PDE4D: variants seen among roughly 807,000 people sequenced by gnomAD.
The protein encoded by PDE4D is 3',5'-cyclic-AMP phosphodiesterase 4D.
Under a neutral mutation model 87.4 loss-of-function variants are expected in PDE4D, and 24 were observed. The ratio of observed to expected loss-of-function variants is 0.27; its 90% confidence interval spans 0.20 to 0.39. The LOEUF (loss-of-function observed/expected upper bound fraction) is 0.39. PDE4D is among the 10% of genes least tolerant of loss of function. PDE4D has a pLI of 1.00. For missense variants in PDE4D, 714 were observed against 1,041.0 expected (o/e 0.69, Z 4.32); for synonymous variants, 384 against 383.2 (o/e 1.00, Z -0.02).
At chr5:59,092,873 T>C (rs776636601) in intron 5 of PDE4D, among the ~76,000 whole-genome samples, 4 of 152,184 alleles carry the variant, frequency 2.6e-5, no homozygotes, top group Non-Finnish European at 5.9e-5. Flanking sequence ...CCCGTCTTTT[T>C]CTACTCTAAG....
chr5:60,008,036 C>T (rs1479717008), intron 2 of PDE4D, among the ~76,000 whole-genome samples: 3 of 150,360 alleles, frequency 2.0e-5, no homozygotes, highest in Non-Finnish European at 4.4e-5. Flanking sequence ...AATAAAATAG[C>T]CAGTCTCAAG....
chr5:59,661,497 G>A (rs1745251346), intron 1 of PDE4D, among the ~76,000 whole-genome samples: 1 of 152,166 alleles, frequency 6.6e-6, no homozygotes, highest in African/African-American at 2.4e-5. Flanking sequence ...GACTCTAGAT[G>A]TTTGCATAAG....
chr5:59,982,817 T>G (rs930761651), intron 3 of PDE4D, among the ~76,000 whole-genome samples: 1 of 152,236 alleles, frequency 6.6e-6, no homozygotes, highest in African/African-American at 2.4e-5. Flanking sequence ...CCAAGAGTTA[T>G]TTGTAGAGTA....
chr5:60,287,324 A>T (rs1286840434), intron 1 of PDE4D, among the ~76,000 whole-genome samples: 2 of 152,136 alleles, frequency 1.3e-5, no homozygotes, highest in African/African-American at 4.8e-5. Context: ...TAGCTGTCAG[A>T]TGGGTTGAGG....
intron 1 of PDE4D, among the ~76,000 whole-genome samples, chr5:59,383,624 A>G (rs1786360610): frequency 6.6e-6 from 1 of 152,144 alleles, no homozygotes; most frequent in African/African-American, 2.4e-5. Context: ...TTTGTTCACT[A>G]TTGAATACCC....
intron 1 of PDE4D, among the ~76,000 whole-genome samples, chr5:59,670,270 C>T (rs896905107): frequency 4.6e-5 from 7 of 152,144 alleles, no homozygotes; most frequent in Admixed American, 1.3e-4. Flanking sequence ...TAAGTATCAT[C>T]TATTATTGTT....
At chr5:60,162,983 C>T (rs974812733) in intron 2 of PDE4D, among the ~76,000 whole-genome samples, 9 of 152,060 alleles carry the variant, frequency 5.9e-5, no homozygotes, top group East Asian at 1.9e-4. Context: ...AGATGGTTTT[C>T]AGTTATCTGT....
At chr5:59,826,251 T>C (rs747150199) in intron 1 of PDE4D, among the ~76,000 whole-genome samples, 5 of 152,180 alleles carry the variant, frequency 3.3e-5, no homozygotes, top group African/African-American at 9.7e-5. Flanking sequence ...ATAATTTCAA[T>C]AAATACATGA....
At chr5:60,484,141 T>C (rs1748946168) in intron 1 of PDE4D, among the ~76,000 whole-genome samples, 1 of 149,958 alleles carries the variant, frequency 6.7e-6, no homozygotes, top group Non-Finnish European at 1.5e-5. Context: ...AAAACCTACA[T>C]AATTATTTCC....
chr5:59,245,362 T>C lies in PDE4D; in HGVS notation c.456-29394A>G, dbSNP rs182488707. Among the ~76,000 whole-genome samples the C allele has an allele frequency of 2.6e-5, 4 of 152,258 alleles. No individual in the cohort carries two copies. The East Asian group carries it at 5.8e-4, about 22-fold the overall frequency. On this transcript the variant is annotated intron_variant, in intron 1 of 14. Coordinates refer to ENST00000340635, the MANE Select transcript of PDE4D (RefSeq NM_001104631.2). ...TGTAAATAAGTGGTCAAAGGTTCCC[T>C]AAATAAGCAATATCATATAAGCCTC...
intron 1 of PDE4D, among the ~76,000 whole-genome samples, chr5:60,225,454 G>GA (rs34512778): frequency 3.8e-4 from 56 of 147,552 alleles, no homozygotes; most frequent in African/African-American, 8.2e-4. Context: ...GGGATTGCAT[G>GA]AAAAAAAAAA....
At chr5:59,459,071 T>C (rs1582704343) in intron 1 of PDE4D, among the ~76,000 whole-genome samples, 2 of 152,284 alleles carry the variant, frequency 1.3e-5, no homozygotes, top group East Asian at 3.9e-4. Flanking sequence ...ATAAAAACTG[T>C]TTTTAATGGC....
chr5:60,454,875 C>A (rs1239466008), intron 1 of PDE4D, among the ~76,000 whole-genome samples: 1 of 151,468 alleles, frequency 6.6e-6, no homozygotes, highest in African/African-American at 2.4e-5. Flanking sequence ...GACGAAGCGG[C>A]ACATACATGA....
intron 1 of PDE4D, among the ~76,000 whole-genome samples, chr5:59,724,700 G>T (rs56763295): frequency 0.081 from 12,334 of 152,040 alleles, 1,558 homozygotes; most frequent in African/African-American, 0.27. Flanking sequence ...GCACCACCAG[G>T]TGGTGACATA....
chr5:59,755,881 C>T lies in PDE4D; in HGVS notation c.455+137287G>A, dbSNP rs532846746. On this transcript the variant is annotated intron_variant, in intron 1 of 14. Coordinates refer to ENST00000340635, the MANE Select transcript of PDE4D (RefSeq NM_001104631.2). The stretch of plus-strand genomic sequence containing the variant: ...AAAAAAAAAAACCAAAAAACTGGTA[C>T]CCTACTAATAACATGAAGAGGAAGC... Among the ~76,000 whole-genome samples, 16 of 150,488 alleles carry T rather than the reference C, an allele frequency of 1.1e-4. No homozygotes were observed. In the South Asian group the frequency reaches 3.3e-3, roughly 31 times the overall value.
intron 1 of PDE4D, among the ~76,000 whole-genome samples, chr5:59,643,249 G>A (rs559035294): frequency 2.8e-4 from 42 of 152,284 alleles, no homozygotes; most frequent in African/African-American, 9.9e-4. Flanking sequence ...GTCTCCCTAA[G>A]TTGAGGAGAT....
At chr5:60,025,227 T>C (rs1701882945) in intron 2 of PDE4D, among the ~76,000 whole-genome samples, 1 of 152,152 alleles carries the variant, frequency 6.6e-6, no homozygotes, top group Admixed American at 6.5e-5. Flanking sequence ...AACTTGAAAG[T>C]AGAACTTATG....
At chr5:59,031,393 T>TATATATA (rs1757452133) in intron 6 of PDE4D, among the ~76,000 whole-genome samples, 1 of 29,686 alleles carries the variant, frequency 3.4e-5, no homozygotes, top group East Asian at 2.1e-3. Flanking sequence ...ATATATATAT[T>TATATATA]ATATATATAT....
In PDE4D at chr5:58,969,043, A is replaced by G. The variant is rs2153283325; in HGVS notation, c.*5621T>C. 1 of 152,352 alleles carries G rather than the reference A, an allele frequency of 6.6e-6. No individual in the cohort carries two copies. Among genetic ancestry groups the G allele is most frequent in the East Asian group, 1.9e-4 (1 of 5,190 alleles). 9.4% of individuals were successfully genotyped at this position (152,352 alleles called of 1,614,324 possible). A position where few individuals can be genotyped will look rare whatever the true frequency, so the allele number is the denominator to read the frequency against. ...AAAACAAAAAACAAACAAAGTTTTT[A>G]TGGTATCAAGTTAAAAACTCTTTAA... On this transcript the variant is annotated 3_prime_UTR_variant, in exon 15 of 15. Coordinates refer to ENST00000340635, the MANE Select transcript of PDE4D (RefSeq NM_001104631.2).
Sources: gnomAD v4.1 joint callset for allele counts (sites outside exome capture counted in the v4.1 genomes callset) on GRCh38, gnomAD v4.1.1 for gene constraint, MANE v1.5 for transcripts, NCBI Gene and HGNC (gene_info 2026-07-23, HGNC 2026-07-21) for gene names.